SMYD3: variants seen among roughly 807,000 people sequenced by gnomAD.
The protein encoded by SMYD3 is SET and MYND domain containing 3, also known as histone-lysine N-methyltransferase SMYD3.
A neutral mutation model predicts 57.7 loss-of-function variants in SMYD3; 36 were observed. The ratio of observed to expected loss-of-function variants is 0.62; its 90% CI spans 0.48 to 0.82. The LOEUF (loss-of-function observed/expected upper bound fraction) is 0.82. Among genes scored for constraint, SMYD3 ranks in the 40% least tolerant of loss-of-function variants. The pLI is 0.00. For synonymous variants in SMYD3, 211 were observed against 195.0 expected, an observed-to-expected ratio of 1.08 and a Z score of -0.68; for missense variants, 515 against 538.8, an observed-to-expected ratio of 0.96 and a Z score of 0.44.
In SMYD3 at chr1:245,917,604, G is replaced by A. The variant is rs372011097; in HGVS notation, c.703-1964C>T. Among the ~76,000 whole-genome samples, 73 of 152,080 alleles carry A rather than the reference G, an allele frequency of 4.8e-4. 1 individual carries two copies. Among genetic ancestry groups the A allele is most frequent in the African/African-American group, 1.4e-3 (59 of 41,476 alleles). On this transcript the variant is annotated intron_variant, in intron 7 of 11. Coordinates refer to ENST00000490107, the MANE Select transcript of SMYD3 (RefSeq NM_001167740.2). ...GTTTACTATGACAACCTCCCTCATC[G>A]CCTTTGAGTTTCAGTCAAATCCCAC...
intron 5 of SMYD3, among the ~76,000 whole-genome samples, chr1:246,259,045 G>T (rs1410729083): frequency 6.6e-6 from 1 of 152,136 alleles, no homozygotes; most frequent in African/African-American, 2.4e-5. Flanking sequence ...TTTCTTAAGT[G>T]AGTTTTTCAA....
intron 1 of SMYD3, among the ~76,000 whole-genome samples, chr1:246,407,834 C>A (rs1419253222): frequency 7.0e-6 from 1 of 142,284 alleles, no homozygotes; most frequent in Non-Finnish European, 1.5e-5. Flanking sequence ...AGCAAGACTC[C>A]GTCTCAAAAT....
intron 5 of SMYD3, among the ~76,000 whole-genome samples, chr1:246,234,909 G>T (rs1271792692): frequency 6.6e-6 from 1 of 152,128 alleles, no homozygotes; most frequent in Non-Finnish European, 1.5e-5. Flanking sequence ...TACTGAAGAA[G>T]GAAAATCAGG....
chr1:245,796,556 A>G (rs949147094), intron 10 of SMYD3, among the ~76,000 whole-genome samples: 7 of 152,160 alleles, frequency 4.6e-5, no homozygotes, highest in East Asian at 1.9e-4. Context: ...AATTTCCTAC[A>G]TATTTATGAT....
chr1:246,199,309 A>C (rs1224958868), intron 5 of SMYD3, among the ~76,000 whole-genome samples: 2 of 152,236 alleles, frequency 1.3e-5, no homozygotes, highest in East Asian at 3.8e-4. Flanking sequence ...CACTGAGCTG[A>C]GCACACCCCA....
At chr1:246,167,888 A>G (rs1572144201) in intron 5 of SMYD3, among the ~76,000 whole-genome samples, 1 of 152,142 alleles carries the variant, frequency 6.6e-6, no homozygotes, top group Non-Finnish European at 1.5e-5. Flanking sequence ...GGCCATTTGT[A>G]TATCTTCTTT....
intron 1 of SMYD3, among the ~76,000 whole-genome samples, chr1:246,412,061 T>G (rs532345498): frequency 6.6e-6 from 1 of 151,892 alleles, no homozygotes; most frequent in Admixed American, 6.5e-5. Context: ...GCCAACTTGC[T>G]TTGCGTTAAC....
At chr1:246,368,118 C>T (rs187244582) in intron 1 of SMYD3, among the ~76,000 whole-genome samples, 19 of 152,152 alleles carry the variant, frequency 1.2e-4, no homozygotes, top group Non-Finnish European at 1.9e-4. Context: ...AAAATAAAAA[C>T]TGGGCAAAAT....
intron 10 of SMYD3, among the ~76,000 whole-genome samples, chr1:245,836,340 C>T (rs950993135): frequency 6.6e-6 from 1 of 152,230 alleles, no homozygotes; most frequent in Non-Finnish European, 1.5e-5. Context: ...GCTCCCCTCG[C>T]ATAGCCACTG....
chr1:246,186,432 A>G (rs1204865768), intron 5 of SMYD3, among the ~76,000 whole-genome samples: 1 of 152,200 alleles, frequency 6.6e-6, no homozygotes, highest in Non-Finnish European at 1.5e-5. Context: ...AGACAGTGAA[A>G]GGCAGAGCTG....
intron 2 of SMYD3, among the ~76,000 whole-genome samples, chr1:246,342,666 G>A (rs1468246382): frequency 6.6e-6 from 1 of 152,170 alleles, no homozygotes; most frequent in Non-Finnish European, 1.5e-5. Flanking sequence ...TGTAGAGCAA[G>A]AGCATCTTCT....
At chr1:245,938,561 T>G (rs897008173) in intron 5 of SMYD3, among the ~76,000 whole-genome samples, 1 of 152,180 alleles carries the variant, frequency 6.6e-6, no homozygotes, top group African/African-American at 2.4e-5. Flanking sequence ...TAGAAAGAAA[T>G]AAAAGAGGAA....
intron 5 of SMYD3, among the ~76,000 whole-genome samples, chr1:246,148,123 C>T (rs551159945): frequency 4.6e-5 from 7 of 152,238 alleles, no homozygotes; most frequent in South Asian, 2.1e-4. Flanking sequence ...GATGCCAGTC[C>T]GGGACCGGAG....
intron 8 of SMYD3, among the ~76,000 whole-genome samples, chr1:245,878,087 T>A (rs1297636791): frequency 1.3e-5 from 2 of 151,692 alleles, no homozygotes; most frequent in Admixed American, 1.3e-4. Context: ...TCAAAGGAGG[T>A]CAATGGATTT....
intron 2 of SMYD3, among the ~76,000 whole-genome samples, chr1:246,341,194 G>C (rs2065628939): frequency 6.6e-6 from 1 of 152,152 alleles, no homozygotes; most frequent in South Asian, 2.1e-4. Context: ...TCAGGGAGAA[G>C]TACTTTTATA....
intron 5 of SMYD3, among the ~76,000 whole-genome samples, chr1:246,174,974 G>A (rs2062409273): frequency 6.6e-6 from 1 of 152,124 alleles, no homozygotes; most frequent in Non-Finnish European, 1.5e-5. Flanking sequence ...AGGTATTAAT[G>A]AGAGTGTGGG....
At chr1:246,303,439 T>C (rs900785346) in intron 5 of SMYD3, among the ~76,000 whole-genome samples, 2 of 152,220 alleles carry the variant, frequency 1.3e-5, no homozygotes, top group African/African-American at 4.8e-5. Flanking sequence ...TGGCATACTA[T>C]GTGCATATAG....
At chr1:246,180,421 A>G (rs1334542709) in intron 5 of SMYD3, among the ~76,000 whole-genome samples, 2 of 149,424 alleles carry the variant, frequency 1.3e-5, no homozygotes, top group African/African-American at 4.9e-5. Context: ...TGAAGATTTG[A>G]TTTTGGAGAC....
intron 8 of SMYD3, among the ~76,000 whole-genome samples, chr1:245,866,352 C>T (rs868562192): frequency 7.0e-6 from 1 of 142,524 alleles, no homozygotes; most frequent in Non-Finnish European, 1.5e-5. Flanking sequence ...TAAAAAGACA[C>T]CATAGGTGCA....
Sources: gnomAD v4.1 joint callset for allele counts (sites outside exome capture counted in the v4.1 genomes callset) on GRCh38, gnomAD v4.1.1 for gene constraint, MANE v1.5 for transcripts, NCBI Gene and HGNC (gene_info 2026-07-23, HGNC 2026-07-21) for gene names.